The following RRM2 variants were observed in gnomAD, a reference collection of about 807,000 sequenced individuals.
RRM2 encodes the protein ribonucleoside-diphosphate reductase subunit M2.
Under a neutral mutation model 45.9 loss-of-function variants are expected in RRM2, and 6 were observed. The ratio of observed to expected loss-of-function variants is 0.13; its 90% CI spans 0.07 to 0.26. The LOEUF is 0.26. Ranked by LOEUF, RRM2 falls within the 10% of genes least tolerant of loss-of-function variation. The pLI is 1.00. For synonymous variants in RRM2, 177 were observed against 173.0 expected (o/e 1.02, Z -0.18); for missense variants, 343 against 489.5 (o/e 0.70, Z 2.82).
At chr2:10,193,472 C>T (rs1664352070) in intron 3 of RRM2, among the ~76,000 whole-genome samples, 1 of 152,216 alleles carries the variant, frequency 6.6e-6, no homozygotes, top group Admixed American at 6.5e-5. Flanking sequence ...ACTGTCCCTC[C>T]ATTCTGCCCA....
chr2:10,142,515 C>A, intron 3 of RRM2: 1 of 825,694 alleles, frequency 1.2e-6, no homozygotes, highest in Non-Finnish European at 1.8e-6. Flanking sequence ...CCAGGTACTG[C>A]CAGCCTCTGC....
chr2:10,196,568 A>G (rs866039625), intron 3 of RRM2, among the ~76,000 whole-genome samples: 5 of 152,140 alleles, frequency 3.3e-5, no homozygotes, highest in African/African-American at 1.2e-4. Context: ...TGAAGAGTCC[A>G]GGACCAGCCG....
At chr2:10,161,014 C>T (rs757116621) in intron 3 of RRM2, among the ~76,000 whole-genome samples, 3 of 152,216 alleles carry the variant, frequency 2.0e-5, no homozygotes, top group African/African-American at 4.8e-5. Flanking sequence ...CTGCAGAAAG[C>T]GTGGTCTGAG....
intron 3 of RRM2, among the ~76,000 whole-genome samples, chr2:10,176,803 C>T (rs568593992): frequency 6.6e-6 from 1 of 152,276 alleles, no homozygotes; most frequent in East Asian, 1.9e-4. Context: ...ATGAATAATG[C>T]TGTCATTAAC....
At chr2:10,188,385 C>T (rs1385537924) in intron 3 of RRM2, among the ~76,000 whole-genome samples, 1 of 152,236 alleles carries the variant, frequency 6.6e-6, no homozygotes, top group African/African-American at 2.4e-5. Context: ...TCCTGGCCAG[C>T]AGGTGGCCGC....
intron 3 of RRM2, chr2:10,142,450 G>C: frequency 7.5e-7 from 1 of 1,334,920 alleles, no homozygotes. Flanking sequence ...CCTGTCATCT[G>C]CTGTTTCCTA....
chr2:10,200,920 G>A (rs1009490521), intron 3 of RRM2, among the ~76,000 whole-genome samples: 22 of 152,316 alleles, frequency 1.4e-4, no homozygotes, highest in African/African-American at 5.3e-4. Flanking sequence ...CCCGAGGCGG[G>A]CAGATCACCT....
chr2:10,189,697 A>G (rs1226529968), intron 3 of RRM2, among the ~76,000 whole-genome samples: 1 of 152,212 alleles, frequency 6.6e-6, no homozygotes, highest in Non-Finnish European at 1.5e-5. Flanking sequence ...TTTTTCATTC[A>G]TGTCAAGGGA....
At chr2:10,193,929 T>C (rs1664361445) in intron 3 of RRM2, among the ~76,000 whole-genome samples, 1 of 152,224 alleles carries the variant, frequency 6.6e-6, no homozygotes, top group Non-Finnish European at 1.5e-5. Flanking sequence ...ATTTAGATTA[T>C]GGCTGCTCCT....
chr2:10,130,447 C>G lies in RRM2; in HGVS notation c.*1061C>G, dbSNP rs1662873171. 1 of 151,986 alleles carries G rather than the reference C, an allele frequency of 6.6e-6. No homozygotes were observed. Among genetic ancestry groups the G allele is most frequent in the African/African-American group, 2.4e-5 (1 of 41,376 alleles). 9.4% of individuals were successfully genotyped at this position (151,986 alleles called of 1,614,324 possible). ...TTTATATTTACTATGTCTGTTAAAT[C>G]AGAAATTTTTTATTATCTATGTTCT... On this transcript the variant is annotated 3_prime_UTR_variant, in exon 10 of 10. Transcript: ENST00000304567.
In RRM2 at chr2:10,129,544, T is replaced by C; in HGVS notation, c.*158T>C. ...TAGCTACCTCACAACCAGTCCTGTC[T>C]GTTTATAGTGCTGGTAGTATCACCT... is the stretch of plus-strand genomic sequence containing the variant. On this transcript the variant is annotated 3_prime_UTR_variant, in exon 10 of 10. Coordinates refer to ENST00000304567, the MANE Select transcript of RRM2 (RefSeq NM_001034.4). The surrounding 1 kb of genome is among the most constrained non-coding windows in gnomAD (Gnocchi z 4.8). 1.3e-6 allele frequency: 1 copy of C among 758,604 alleles called. No individual in the cohort carries two copies. The allele number at this position is 758,604 out of a possible 1,614,324, so 47.0% of individuals were successfully genotyped here. A position where few individuals can be genotyped will look rare whatever the true frequency, so the allele number is the denominator to read the frequency against.
intron 3 of RRM2, among the ~76,000 whole-genome samples, chr2:10,188,814 G>A (rs1167533126): frequency 6.6e-6 from 1 of 152,182 alleles, no homozygotes; most frequent in Non-Finnish European, 1.5e-5. Context: ...CTAGGAAGAG[G>A]GCGCTGCGGA....
chr2:10,127,301 G>C lies in RRM2; in HGVS notation c.798+81G>C, dbSNP rs963916460. 7.0e-7 allele frequency: 1 copy of C among 1,425,050 alleles called. No homozygotes were observed. 88.3% of individuals were successfully genotyped at this position (1,425,050 alleles called of 1,614,324 possible). On this transcript the variant is annotated intron_variant, in intron 7 of 9. Coordinates refer to ENST00000304567, the MANE Select transcript of RRM2 (RefSeq NM_001034.4). The surrounding 1 kb of genome is among the most constrained non-coding windows in gnomAD (Gnocchi z 4.1). The stretch of plus-strand genomic sequence containing the variant: ...CTCTTGTGTTCACTGACGGGGACCT[G>C]AGATGCTAGATGGCATATATCCACA...
At chr2:10,132,839 G>C (rs559798711), downstream of RRM2, among the ~76,000 whole-genome samples, 1 of 152,190 alleles carries the variant, frequency 6.6e-6, no homozygotes, top group Admixed American at 6.5e-5. Context: ...CCTCCCTGTG[G>C]GTGGCCTGCA....
At chr2:10,160,540 C>G (rs1663533559) in intron 3 of RRM2, among the ~76,000 whole-genome samples, 4 of 152,234 alleles carry the variant, frequency 2.6e-5, no homozygotes, top group Admixed American at 2.6e-4. Flanking sequence ...AGGGGCTCCT[C>G]CCTAGAGGCT....
intron 3 of RRM2, among the ~76,000 whole-genome samples, chr2:10,173,405 C>T (rs571951017): frequency 6.6e-6 from 1 of 152,382 alleles, no homozygotes; most frequent in Admixed American, 6.5e-5. Context: ...ATCCCCACCA[C>T]TGCGTTGGCC....
rs1663722477 is a variant in RRM2, at chr2:10,168,194, G to A, written n.482+25819G>A. On this transcript the variant is annotated intron_variant and non_coding_transcript_variant, in intron 3 of 3. Transcript: ENST00000381786. ...TTTTCCTTGCTGTATATGTGGCTGA[G>A]CCCAACCTCTCTCCCCAACTGCAGA... 2.0e-5 allele frequency among the ~76,000 whole-genome samples: 3 copies of A among 152,014 alleles called. No individual in the cohort carries two copies. The South Asian group carries it at 6.2e-4, about 32-fold the overall frequency.
rs1664591942 is a variant in RRM2, at chr2:10,202,789, TG to T, written n.483-7521del. On this transcript the variant is annotated intron_variant and non_coding_transcript_variant, in intron 3 of 3. Transcript: ENST00000381786. ...AATCAAGAGGAACTTAAAATGGCAG[TG>T]TTTGTCCAAGATGGTGATGCTCCTG... Among the ~76,000 whole-genome samples the T allele has an allele frequency of 4.6e-5, 7 of 152,264 alleles. No homozygotes were observed. In the South Asian group the frequency reaches 1.5e-3, roughly 32 times the overall value.
At chr2:10,181,804 A>C (rs1664064869) in intron 3 of RRM2, among the ~76,000 whole-genome samples, 1 of 116,686 alleles carries the variant, frequency 8.6e-6, no homozygotes, top group Non-Finnish European at 1.6e-5. Flanking sequence ...CAGCTCTGTC[A>C]CTCAGGCTGG....
Sources: gnomAD v4.1 joint callset for allele counts (sites outside exome capture counted in the v4.1 genomes callset) on GRCh38, gnomAD v4.1.1 for gene constraint, Gnocchi (gnomAD v3.1) non-coding constraint, MANE v1.5 for transcripts, NCBI Gene and HGNC (gene_info 2026-07-23, HGNC 2026-07-21) for gene names.